CTNNA2: variants seen among roughly 807,000 people sequenced by gnomAD.
CTNNA2 encodes the protein catenin alpha 2.
A neutral mutation model predicts 101.0 loss-of-function variants in CTNNA2; 42 were observed. The ratio of observed to expected loss-of-function variants is 0.42; its 90% CI spans 0.32 to 0.54. The LOEUF (loss-of-function observed/expected upper bound fraction) is 0.54, where lower values mean the gene tolerates loss of function less well. CTNNA2 is among the 20% of genes least tolerant of loss of function. The pLI, the probability that CTNNA2 is intolerant of heterozygous loss-of-function variation, is 0.14. For synonymous variants in CTNNA2, 450 were observed against 456.4 expected, an observed-to-expected ratio of 0.99 and a Z score of 0.18; for missense variants, 871 against 1,223.1, an observed-to-expected ratio of 0.71 and a Z score of 4.29.
chr2:80,054,310 C>A (rs1364729687), intron 7 of CTNNA2, among the ~76,000 whole-genome samples: 2 of 152,102 alleles, frequency 1.3e-5, no homozygotes, highest in Non-Finnish European at 2.9e-5. Flanking sequence ...TCTGAGAGAC[C>A]CTAAACTAGG....
chr2:80,256,234 C>T (rs566539208), intron 7 of CTNNA2, among the ~76,000 whole-genome samples: 119 of 152,134 alleles, frequency 7.8e-4, no homozygotes, highest in African/African-American at 2.8e-3. Context: ...TTCAGTTTTC[C>T]CCTGTGTCAG....
At chr2:80,615,146 T>C (rs1478563475) in intron 17 of CTNNA2, among the ~76,000 whole-genome samples, 1 of 151,536 alleles carries the variant, frequency 6.6e-6, no homozygotes, top group African/African-American at 2.4e-5. Context: ...TCATTGATTT[T>C]ACACATCTTT....
At chr2:80,534,010 A>G (rs1351899987) in intron 9 of CTNNA2, among the ~76,000 whole-genome samples, 2 of 152,106 alleles carry the variant, frequency 1.3e-5, no homozygotes, top group African/African-American at 4.8e-5. Flanking sequence ...ATGCTGAGTG[A>G]TTCAGCTATG....
chr2:79,784,512 C>T (rs1558926741), intron 3 of CTNNA2, among the ~76,000 whole-genome samples: 1 of 150,534 alleles, frequency 6.6e-6, no homozygotes, highest in Non-Finnish European at 1.5e-5. Context: ...GTCTAGGAGA[C>T]ATATCAAACT....
chr2:80,550,436 T>A (rs1275335166), intron 11 of CTNNA2, among the ~76,000 whole-genome samples: 1 of 152,210 alleles, frequency 6.6e-6, no homozygotes, highest in Non-Finnish European at 1.5e-5. Flanking sequence ...GTTGATTGAC[T>A]ATTCCTTTAC....
intron 9 of CTNNA2, among the ~76,000 whole-genome samples, chr2:80,501,627 T>C (rs1687888998): frequency 2.0e-5 from 3 of 152,304 alleles, no homozygotes; most frequent in Admixed American, 2.0e-4. Context: ...CATGAAACAG[T>C]GCTCAGTGAA....
chr2:79,675,263 G>A (rs936849151), intron 2 of CTNNA2, among the ~76,000 whole-genome samples: 1 of 152,160 alleles, frequency 6.6e-6, no homozygotes, highest in African/African-American at 2.4e-5. Flanking sequence ...GAGAGAATTG[G>A]AGGTATATAA....
At chr2:80,015,979 A>T (rs890410692) in intron 7 of CTNNA2, among the ~76,000 whole-genome samples, 1 of 152,200 alleles carries the variant, frequency 6.6e-6, no homozygotes, top group Non-Finnish European at 1.5e-5. Flanking sequence ...ACTTTAAGAA[A>T]ATCCAAGATG....
chr2:80,234,396 C>T (rs746528389), intron 7 of CTNNA2, among the ~76,000 whole-genome samples: 3 of 152,162 alleles, frequency 2.0e-5, no homozygotes, highest in Non-Finnish European at 1.5e-5. Context: ...TTTCCCCCAC[C>T]CTAACACCTC....
In CTNNA2 at chr2:80,143,694, A is replaced by C. The variant is rs149720795; in HGVS notation, c.1056+233897A>C. Among the ~76,000 whole-genome samples, 68 of 152,268 alleles carry C rather than the reference A, an allele frequency of 4.5e-4. 4 individuals are homozygous for C. In the East Asian group the frequency reaches 0.012, roughly 28 times the overall value. On this transcript the variant is annotated intron_variant, in intron 7 of 18. Coordinates refer to ENST00000402739, the MANE Select transcript of CTNNA2 (RefSeq NM_001282597.3). ...TTCAAAAAGAAGCAAGAAATAAAAAAATCAAAAACATCAAAGCTAAAGCAG... is the reference window on the plus strand; with the variant it reads ...TTCAAAAAGAAGCAAGAAATAAAAACATCAAAAACATCAAAGCTAAAGCAG...
At chr2:80,363,343 T>C (rs1009527179) in intron 7 of CTNNA2, among the ~76,000 whole-genome samples, 25 of 151,918 alleles carry the variant, frequency 1.6e-4, no homozygotes, top group Non-Finnish European at 3.5e-4. Context: ...AAAGCAAAAA[T>C]AACTAAAAAT....
At chr2:79,218,640 A>C (rs917721110) in intron 2 of CTNNA2, among the ~76,000 whole-genome samples, 2 of 152,166 alleles carry the variant, frequency 1.3e-5, no homozygotes, top group Non-Finnish European at 2.9e-5. Flanking sequence ...CACTGGGTTC[A>C]GGTATTAAAC....
At chr2:80,286,885 A>G (rs1674817700) in intron 7 of CTNNA2, among the ~76,000 whole-genome samples, 2 of 152,190 alleles carry the variant, frequency 1.3e-5, no homozygotes, top group Admixed American at 1.3e-4. Context: ...GAGGAGGGCT[A>G]TGTTTTCTTC....
chr2:79,949,304 G>A (rs1688720775), intron 7 of CTNNA2, among the ~76,000 whole-genome samples: 1 of 152,152 alleles, frequency 6.6e-6, no homozygotes, highest in South Asian at 2.1e-4. Flanking sequence ...CTGTAATTGT[G>A]TAAATGTCTT....
rs897669743 is a variant in CTNNA2 at position 79,731,113 on chromosome 2, GT to G, written c.103-13271del. Among the ~76,000 whole-genome samples, 5 of 151,956 alleles carry G rather than the reference GT, an allele frequency of 3.3e-5. No homozygotes were observed. The East Asian group carries it at 9.7e-4, about 29-fold the overall frequency. ...TATCAAAATATGGGTTTGTTTGTTT[GT>G]TTACATTACTAGAAATTTTCTTTGT... On this transcript the variant is annotated intron_variant, in intron 2 of 18. Transcript: ENST00000402739.
intron 3 of CTNNA2, among the ~76,000 whole-genome samples, chr2:79,794,953 G>A (rs1675583553): frequency 6.6e-6 from 1 of 152,068 alleles, no homozygotes. Context: ...ATATTTGTAG[G>A]GCCCAGGACA....
At chr2:79,929,238 T>A (rs1297234419) in intron 7 of CTNNA2, among the ~76,000 whole-genome samples, 1 of 152,100 alleles carries the variant, frequency 6.6e-6, no homozygotes, top group African/African-American at 2.4e-5. Flanking sequence ...TAGTAGTAAT[T>A]TTCAGAGAGT....
At chr2:80,274,729 G>T (rs1362119216) in intron 7 of CTNNA2, among the ~76,000 whole-genome samples, 1 of 152,026 alleles carries the variant, frequency 6.6e-6, no homozygotes, top group East Asian at 1.9e-4. Context: ...TTTTCATATT[G>T]TTCTTGTTTT....
At chr2:80,009,707 A>G (rs1031596756) in intron 7 of CTNNA2, among the ~76,000 whole-genome samples, 3 of 134,382 alleles carry the variant, frequency 2.2e-5, no homozygotes, top group Non-Finnish European at 5.0e-5. Context: ...AATGTAGACT[A>G]TACAAAGCTG....
Sources: gnomAD v4.1 joint callset for allele counts (sites outside exome capture counted in the v4.1 genomes callset) on GRCh38, gnomAD v4.1.1 for gene constraint, MANE v1.5 for transcripts, NCBI Gene and HGNC (gene_info 2026-07-23, HGNC 2026-07-21) for gene names.